NALF1: variants seen among roughly 807,000 people sequenced by gnomAD.
NALF1 encodes the protein NALCN channel auxiliary factor 1.
In NALF1, 3 loss-of-function variants were observed where a neutral mutation model predicts 48.4. The observed-to-expected ratio is 0.06, with a 90% CI of 0.03 to 0.16. The LOEUF is 0.16. Among genes scored for constraint, NALF1 ranks in the 10% least tolerant of loss-of-function variants. The pLI is 1.00. For synonymous variants in NALF1, 262 were observed against 245.7 expected, an observed-to-expected ratio of 1.07 and a Z score of -0.62; for missense variants, 526 against 571.5, an observed-to-expected ratio of 0.92 and a Z score of 0.81.
intron 1 of NALF1, among the ~76,000 whole-genome samples, chr13:107,621,367 T>C (rs114043420): frequency 0.013 from 1,931 of 152,312 alleles, 34 homozygotes; most frequent in African/African-American, 0.044. Context: ...TGTTAAGTTT[T>C]CTAATATCTA....
At chr13:107,283,407 C>CA (rs1881427411) in intron 1 of NALF1, among the ~76,000 whole-genome samples, 2 of 151,420 alleles carry the variant, frequency 1.3e-5, no homozygotes, top group African/African-American at 4.9e-5. Flanking sequence ...TCATAACTCT[C>CA]AAAAATGGGC....
chr13:107,556,358 G>T (rs1169885547), intron 1 of NALF1, among the ~76,000 whole-genome samples: 10 of 151,488 alleles, frequency 6.6e-5, no homozygotes, highest in South Asian at 2.1e-4. Flanking sequence ...TATAGAGAGA[G>T]AGAGAGAGAG....
chr13:107,538,221 A>G (rs895691861), intron 1 of NALF1, among the ~76,000 whole-genome samples: 3 of 152,172 alleles, frequency 2.0e-5, no homozygotes, highest in African/African-American at 7.2e-5. Context: ...CAAGCCATGT[A>G]ATAAATGCAT....
At chr13:107,520,887 G>A (rs1876215591) in intron 1 of NALF1, among the ~76,000 whole-genome samples, 1 of 152,096 alleles carries the variant, frequency 6.6e-6, no homozygotes, top group Non-Finnish European at 1.5e-5. Flanking sequence ...TATGACCTCT[G>A]ACCCTGAGAG....
chr13:107,306,434 A>G (rs1269952936), intron 1 of NALF1, among the ~76,000 whole-genome samples: 1 of 152,148 alleles, frequency 6.6e-6, no homozygotes, highest in Non-Finnish European at 1.5e-5. Context: ...ATTTGGTATC[A>G]GTGATGATTT....
At chr13:107,815,279 T>C (rs186218534) in intron 1 of NALF1, among the ~76,000 whole-genome samples, 11 of 152,000 alleles carry the variant, frequency 7.2e-5, no homozygotes, top group African/African-American at 2.7e-4. Flanking sequence ...AAAACTTTTA[T>C]CTAGGATCCA....
chr13:107,386,122 T>TC (rs1883526815), intron 1 of NALF1, among the ~76,000 whole-genome samples: 1 of 152,218 alleles, frequency 6.6e-6, no homozygotes, highest in African/African-American at 2.4e-5. Context: ...AAGATTATCT[T>TC]CCTTTACATG....
At chr13:107,177,111 T>G (rs959533363) in intron 2 of NALF1, among the ~76,000 whole-genome samples, 1 of 152,064 alleles carries the variant, frequency 6.6e-6, no homozygotes, top group African/African-American at 2.4e-5. Context: ...TAAAGAAAGT[T>G]ATCCCATTTA....
At chr13:107,713,975 T>C (rs1366146774) in intron 1 of NALF1, among the ~76,000 whole-genome samples, 2 of 152,110 alleles carry the variant, frequency 1.3e-5, no homozygotes, top group Non-Finnish European at 2.9e-5. Context: ...GGAAAAGAAA[T>C]AACAGAGGAG....
At chr13:107,545,619 G>T (rs1594121361) in intron 1 of NALF1, among the ~76,000 whole-genome samples, 1 of 152,040 alleles carries the variant, frequency 6.6e-6, no homozygotes, top group South Asian at 2.1e-4. Flanking sequence ...GGAGCTGAGG[G>T]TCAAGTGTCA....
intron 1 of NALF1, among the ~76,000 whole-genome samples, chr13:107,275,865 T>C (rs551635874): frequency 1.3e-5 from 2 of 152,290 alleles, no homozygotes; most frequent in East Asian, 3.9e-4. Context: ...CTGCAGTGTT[T>C]AGACCTGACT....
chr13:107,824,929 C>T (rs1019482760), intron 1 of NALF1, among the ~76,000 whole-genome samples: 1 of 152,196 alleles, frequency 6.6e-6, no homozygotes, highest in Non-Finnish European at 1.5e-5. Context: ...AGACAAAGTA[C>T]TAAAATGCTT....
At chr13:107,659,694 T>TAAATGA (rs1464661990) in intron 1 of NALF1, among the ~76,000 whole-genome samples, 1 of 151,992 alleles carries the variant, frequency 6.6e-6, no homozygotes, top group Non-Finnish European at 1.5e-5. Flanking sequence ...TTTAAATTTA[T>TAAATGA]AAATGACATG....
intron 1 of NALF1, among the ~76,000 whole-genome samples, chr13:107,650,115 C>T (rs1056575981): frequency 5.3e-5 from 8 of 152,084 alleles, no homozygotes; most frequent in African/African-American, 1.7e-4. Context: ...AGTCAAAGAT[C>T]GGAGTTTTTG....
chr13:107,679,144 A>C (rs576216021), intron 1 of NALF1, among the ~76,000 whole-genome samples: 1 of 152,320 alleles, frequency 6.6e-6, no homozygotes, highest in East Asian at 1.9e-4. Flanking sequence ...AGTTTCCTAT[A>C]GTTTAAATAT....
chr13:107,365,828 A>G (rs999868223), intron 1 of NALF1, among the ~76,000 whole-genome samples: 2 of 152,184 alleles, frequency 1.3e-5, no homozygotes, highest in Non-Finnish European at 2.9e-5. Context: ...CTGCACTAAA[A>G]TATATTTTGC....
At chr13:107,624,247 C>T (rs1293246374) in intron 1 of NALF1, among the ~76,000 whole-genome samples, 3 of 152,126 alleles carry the variant, frequency 2.0e-5, no homozygotes, top group Non-Finnish European at 4.4e-5. Context: ...AGCTAATGTT[C>T]TTCTACTAAG....
At chr13:107,703,795 C>T (rs1482542237) in intron 1 of NALF1, among the ~76,000 whole-genome samples, 1 of 152,142 alleles carries the variant, frequency 6.6e-6, no homozygotes, top group Admixed American at 6.5e-5. Context: ...ACTCTCTTTC[C>T]TGCCCTGTCC....
At chr13:107,622,489 G>A (rs965635430) in intron 1 of NALF1, among the ~76,000 whole-genome samples, 1 of 150,698 alleles carries the variant, frequency 6.6e-6, no homozygotes, top group Non-Finnish European at 1.5e-5. Flanking sequence ...AAAAAACAGA[G>A]AGAAAAGAAA....
Sources: gnomAD v4.1 joint callset for allele counts (sites outside exome capture counted in the v4.1 genomes callset) on GRCh38, gnomAD v4.1.1 for gene constraint, MANE v1.5 for transcripts, NCBI Gene and HGNC (gene_info 2026-07-23, HGNC 2026-07-21) for gene names.